INTS1: variants seen among roughly 807,000 people sequenced by gnomAD.
INTS1 encodes the protein integrator complex subunit 1.
In INTS1, 137 loss-of-function variants were observed where a neutral mutation model predicts 241.6. The ratio of observed to expected loss-of-function variants is 0.57; its 90% CI spans 0.49 to 0.65. INTS1 has a LOEUF of 0.65. INTS1 is among the 30% of genes least tolerant of loss of function. The pLI is 0.00. For missense variants in INTS1, 3,073 were observed against 3,032.2 expected, an observed-to-expected ratio of 1.01 and a Z score of -0.32; for synonymous variants, 1,692 against 1,337.8, an observed-to-expected ratio of 1.26 and a Z score of -5.78.
intron 16 of INTS1, among the ~76,000 whole-genome samples, chr7:1,491,185 G>A (rs971714055): frequency 6.6e-6 from 1 of 152,234 alleles, no homozygotes; most frequent in Non-Finnish European, 1.5e-5. Flanking sequence ...TAGGTACAAC[G>A]TCAAAGCACA....
Position 1,496,181 on chromosome 7 carries a change from G to T in INTS1, c.1686C>A (p.Ile562=), listed in dbSNP as rs770328797. Residue 562 remains isoleucine (I), a synonymous_variant, in exon 12 of 48, where the codon ATC becomes ATA. Transcript: ENST00000404767. ...GITAQVKEAG[I]AWDKGEKRNL... ...TCCTCTTTTCTCCTTTGTCCCAGGC[G>T]ATGCCGGCCTCCTTCACCTGCGCTG... is the stretch of plus-strand genomic sequence containing the variant. The T allele has an allele frequency of 3.7e-6, 6 of 1,613,768 alleles. No homozygotes were observed. The highest frequency in any genetic ancestry group is 3.3e-5 in the Admixed American group (2 of 60,012).
Position 1,481,018 on chromosome 7 carries a change from G to T in INTS1, c.3851-85C>A. 1 of 1,007,586 alleles carries T rather than the reference G, an allele frequency of 9.9e-7. No homozygotes were observed. The highest frequency in any genetic ancestry group is 2.5e-5 in the East Asian group (1 of 39,454). 62.4% of individuals were successfully genotyped at this position (1,007,586 alleles called of 1,614,324 possible). A position where few individuals can be genotyped will look rare whatever the true frequency, so the allele number is the denominator to read the frequency against. On this transcript the variant is annotated intron_variant, in intron 28 of 47. Transcript: ENST00000404767. This position sits in a 1 kb window ranked among gnomAD's most constrained non-coding sequence, Gnocchi z 6.8. ...CCTCTCCACAGAAACCAGAGTTGGA[G>T]ATGCCCCCACCGTCACCAGCACTTC...
rs1244762261 is a variant in INTS1, at chr7:1,476,826, G to A, written c.5031C>T (p.Ile1677=). The change falls in exon 36 of 48, where the codon ATC becomes ATT. Residue 1677 remains isoleucine, a synonymous_variant. Coordinates refer to ENST00000404767, the MANE Select transcript of INTS1 (RefSeq NM_001080453.3). ...CCCGGCTCTTGCCCAGCAGGACTCGGATGCACTGGTGCAGTGTGGGCCAGC... is the reference window on the plus strand; with the variant it reads ...CCCGGCTCTTGCCCAGCAGGACTCGAATGCACTGGTGCAGTGTGGGCCAGC... The part of the protein sequence containing the change: ...QSSWPTLHQC[I]RVLLGKSREQ... 6.2e-7 allele frequency: 1 copy of A among 1,613,016 alleles called. No homozygotes were observed. The highest frequency in any genetic ancestry group is 1.6e-4 in the Middle Eastern group (1 of 6,062).
At chr7:1,492,395 T>C (rs1336623319) in intron 16 of INTS1, among the ~76,000 whole-genome samples, 1 of 152,150 alleles carries the variant, frequency 6.6e-6, no homozygotes, top group Non-Finnish European at 1.5e-5. Context: ...AGGGCCGCTC[T>C]ACAGAGGTGA....
chr7:1,476,375 C>G lies in INTS1; in HGVS notation c.5232G>C (p.Glu1744Asp), dbSNP rs1278118206. 5.7e-6 allele frequency: 9 copies of G among 1,576,810 alleles called. No individual in the cohort carries two copies. The highest frequency in any genetic ancestry group is 6.9e-6 in the Non-Finnish European group (8 of 1,166,128). ...SLVELILAEA[E>D]TRSQDGDTAA... ...CTGTGTCCCCGTCCTGGCTCCGCGT[C>G]TCCGCCTCGGCCAGGATCAGCTCCA... is the stretch of plus-strand genomic sequence containing the variant. Residue 1744 changes from glutamate to aspartate, a missense_variant, in exon 38 of 48, where the codon GAG becomes GAC. By Grantham distance (45) the Glu-to-Asp change is conservative. Transcript: ENST00000404767.
intron 27 of INTS1, 73 bp downstream of exon 27, chr7:1,482,473 C>T: frequency 6.8e-7 from 1 of 1,474,258 alleles, no homozygotes; most frequent in Middle Eastern, 2.0e-4. Flanking sequence ...GCTGCCCAGG[C>T]CCACAAGGAG....
intron 34 of INTS1, 39 bp downstream of exon 34, chr7:1,477,714 C>G: frequency 6.2e-7 from 1 of 1,605,610 alleles, no homozygotes; most frequent in Non-Finnish European, 8.5e-7. Context: ...TGGTGCCACC[C>G]GCCTGCCCAC....
At chr7:1,488,126 G>C (rs549845488) in intron 18 of INTS1, among the ~76,000 whole-genome samples, 169 bp from the exon 19 acceptor site, 6 of 152,298 alleles carry the variant, frequency 3.9e-5, no homozygotes, top group African/African-American at 1.4e-4. Context: ...TGTCAGAGCT[G>C]AGACGAGAAG....
At chr7:1,500,400 C>T in intron 3 of INTS1, 34 bp from the exon 4 acceptor site, 1 of 1,513,718 alleles carries the variant, frequency 6.6e-7, no homozygotes, top group South Asian at 1.2e-5. Context: ...CAGAACGGGG[C>T]CAGGGCAGGG....
chr7:1,501,805 T>G (rs527788003), intron 3 of INTS1, among the ~76,000 whole-genome samples: 2 of 152,244 alleles, frequency 1.3e-5, no homozygotes, highest in South Asian at 2.1e-4. Context: ...TGATGCCAAC[T>G]GAGTCCAGCA....
At chr7:1,490,514 G>C (rs952270448) in intron 16 of INTS1, among the ~76,000 whole-genome samples, 3 of 152,110 alleles carry the variant, frequency 2.0e-5, no homozygotes, top group Non-Finnish European at 4.4e-5. Flanking sequence ...GTCGCCTCTG[G>C]ATAAACGGGA....
Position 1,495,456 on chromosome 7 carries a change from G to T in INTS1, c.1809C>A (p.Leu603=). Residue 603 remains leucine, a synonymous_variant, in exon 13 of 48, where the codon CTC becomes CTA. Coordinates refer to ENST00000404767, the MANE Select transcript of INTS1 (RefSeq NM_001080453.3). ...LHTVVPSISK[L]APKDYVHCLH... ...ACCAGTGCACGTAGTCCTTAGGGGC[G>T]AGCTTGCTGATGGAGGGGACCACAG... The T allele has an allele frequency of 6.2e-7, 1 of 1,612,392 alleles. No individual in the cohort carries two copies. The highest frequency in any genetic ancestry group is 8.5e-7 in the Non-Finnish European group (1 of 1,179,650).
Position 1,487,437 on chromosome 7 carries a change from C to G in INTS1, c.2529G>C (p.Arg843=), listed in dbSNP as rs761704956. 7 of 1,611,202 alleles carry G rather than the reference C, an allele frequency of 4.3e-6. No individual in the cohort carries two copies. The highest frequency in any genetic ancestry group is 5.9e-6 in the Non-Finnish European group (7 of 1,179,432). Residue 843 remains arginine (R), a synonymous_variant, in exon 20 of 48, where the codon CGG becomes CGC. Coordinates refer to ENST00000404767, the MANE Select transcript of INTS1 (RefSeq NM_001080453.3). ...LTSLDPQGPP[R]RPPPHILDQV... ...GATCCAGGATGTGAGGGGGAGGCCT[C>G]CGGGGGGGCCCCCTGAGGGCCACAG... is the stretch of plus-strand genomic sequence containing the variant.
rs373722765 is a variant in INTS1 at position 1,485,106 on chromosome 7, G to A, written c.3253C>T (p.Leu1085=). Residue 1085 remains leucine, a synonymous_variant, in exon 24 of 48, where the codon CTG becomes TTG. Transcript: ENST00000404767. ...TGACCCTGCTGCCTCACCAGGGCCA[G>A]GTCGCTGTGCTGGGCCTGCTCCTCC... ...PVEEQAQHSD[L]ALDVARLVVE... The A allele has an allele frequency of 3.8e-5, 60 of 1,597,676 alleles. No homozygotes were observed. In the African/African-American group the frequency reaches 6.8e-4, roughly 18 times the overall value.
At position 1,487,743 on chromosome 7, in the gene INTS1, C is replaced by T; in HGVS notation, c.2516+17G>A. On this transcript the variant is annotated intron_variant, in intron 19 of 47. Transcript: ENST00000404767. Reference sequence around the variant, plus strand: ...TCCCGACGGCAGGCGCAGGGCGGGGCTGTGTGGGCTGCGTACTGGGGGTCC... The same window carrying T: ...TCCCGACGGCAGGCGCAGGGCGGGGTTGTGTGGGCTGCGTACTGGGGGTCC... 2 of 1,604,774 alleles carry T rather than the reference C, an allele frequency of 1.2e-6. No individual in the cohort carries two copies. The highest frequency in any genetic ancestry group is 1.7e-6 in the Non-Finnish European group (2 of 1,179,480).
rs377115029 is a variant in INTS1, at chr7:1,472,322, G to A, written c.6135C>T (p.Ala2045=). The stretch of plus-strand genomic sequence containing the variant: ...GCCGTTTCATGTAGGGGGCCATCTC[G>A]GCCGCGGTCAGAGGGGTGAACAGGG... The part of the protein sequence containing the change: ...SVSLFTPLTA[A]EMAPYMKRLS... Residue 2045 remains alanine (A), a synonymous_variant, in exon 44 of 48, where the codon GCC becomes GCT. Coordinates refer to ENST00000404767, the MANE Select transcript of INTS1 (RefSeq NM_001080453.3). 20 of 1,570,900 alleles carry A rather than the reference G, an allele frequency of 1.3e-5. No individual in the cohort carries two copies. The African/African-American group carries it at 2.3e-4, about 18-fold the overall frequency.
At position 1,478,849 on chromosome 7, in the gene INTS1, A is replaced by G. The variant is rs1292681842; in HGVS notation, c.4366T>C (p.Phe1456Leu). 3.1e-6 allele frequency: 5 copies of G among 1,610,498 alleles called. No homozygotes were observed. Among genetic ancestry groups the G allele is most frequent in the Admixed American group, 3.3e-5 (2 of 59,902 alleles). The change falls in exon 32 of 48, where the codon TTC (phenylalanine) becomes CTC (leucine). Residue 1456 changes from phenylalanine to leucine, a missense_variant. Phe to Leu is a conservative substitution (Grantham distance 22, BLOSUM62 0). Transcript: ENST00000404767. The stretch of plus-strand genomic sequence containing the variant: ...AGCATCTGCAGGAGCACCTTCAGGA[A>G]GAGCGAGGAGAAGCCGGTGTCCTGT... ...VPQDTGFSSL[F>L]LKVLLQMLQW...
Position 1,476,231 on chromosome 7 carries a change from G to A in INTS1, c.5376C>T (p.Asp1792=). 1 of 1,551,946 alleles carries A rather than the reference G, an allele frequency of 6.4e-7. No individual in the cohort carries two copies. Among genetic ancestry groups the A allele is most frequent in the Non-Finnish European group, 8.7e-7 (1 of 1,149,244 alleles). Residue 1792 remains aspartate (D), a splice_region_variant and synonymous_variant, in exon 38 of 48, where the codon GAC becomes GAT. Transcript: ENST00000404767. ...CTGGGGCCGGGGGGCCTGAGCACCT[G>A]TCTCCCCACTGCTGGATGCAGCCTG... The part of the protein sequence containing the change: ...HLSGCIQQWG[D]SVLGRRCRDL...
chr7:1,503,875 G>A (rs1029256912), intron 2 of INTS1, 28 bp downstream of exon 2: 9 of 1,245,418 alleles, frequency 7.2e-6, no homozygotes, highest in South Asian at 2.7e-5. Flanking sequence ...AAAGACCCCC[G>A]GGCTGCAGAG....
Sources: allele counts gnomAD v4.1 joint callset (sites outside exome capture counted in the v4.1 genomes callset), GRCh38; gene constraint gnomAD v4.1.1; non-coding constraint Gnocchi (gnomAD v3.1); transcripts MANE v1.5; gene names NCBI Gene and HGNC (gene_info 2026-07-23, HGNC 2026-07-21).